Variants in MAML3 observed in about 807,000 individuals in gnomAD.
MAML3 encodes the protein mastermind like transcriptional coactivator 3.
Under a neutral mutation model 101.9 loss-of-function variants are expected in MAML3, and 27 were observed. The observed-to-expected ratio is 0.27, with a 90% CI of 0.20 to 0.37. MAML3 has a LOEUF of 0.37. MAML3 is among the 10% of genes least tolerant of loss of function. The pLI is 1.00. For synonymous variants in MAML3, 501 were observed against 555.9 expected, an observed-to-expected ratio of 0.90 and a Z score of 1.39; for missense variants, 1,316 against 1,444.9, an observed-to-expected ratio of 0.91 and a Z score of 1.45.
In MAML3 at chr4:139,997,160, T is replaced by C. The variant is rs1322082791; in HGVS notation, c.469-106193A>G. Among the ~76,000 whole-genome samples, 3 of 150,626 alleles carry C rather than the reference T, an allele frequency of 2.0e-5. No homozygotes were observed. In the Admixed American group the frequency reaches 2.0e-4, roughly 10 times the overall value. On this transcript the variant is annotated intron_variant, in intron 1 of 4. Coordinates refer to ENST00000509479, the MANE Select transcript of MAML3 (RefSeq NM_018717.5). ...TGTATATATATATACACACACATTA[T>C]ATATATACATAATTGATACAGTTGG...
intron 1 of MAML3, among the ~76,000 whole-genome samples, chr4:140,070,031 G>T (rs1727620345): frequency 6.6e-6 from 1 of 152,014 alleles, no homozygotes; most frequent in Non-Finnish European, 1.5e-5. Context: ...TAGGAGATTT[G>T]CTTGAACCCG....
chr4:140,039,841 C>CAATA (rs1727051068), intron 1 of MAML3, among the ~76,000 whole-genome samples: 1 of 152,176 alleles, frequency 6.6e-6, no homozygotes, highest in African/African-American at 2.4e-5. Context: ...CAAAGATACT[C>CAATA]TATTATCACC....
chr4:140,005,344 C>T (rs1726426752), intron 1 of MAML3, among the ~76,000 whole-genome samples: 1 of 152,158 alleles, frequency 6.6e-6, no homozygotes, highest in Non-Finnish European at 1.5e-5. Context: ...ATAATCAATT[C>T]AGAAGAACTG....
chr4:139,758,748 T>C (rs550956457), intron 2 of MAML3, among the ~76,000 whole-genome samples: 1 of 152,348 alleles, frequency 6.6e-6, no homozygotes, highest in Admixed American at 6.5e-5. Flanking sequence ...ATGACTAGCT[T>C]GTCTCTTCTC....
intron 1 of MAML3, among the ~76,000 whole-genome samples, chr4:139,971,814 T>TA (rs1051506095): frequency 1.3e-5 from 2 of 151,910 alleles, no homozygotes; most frequent in African/African-American, 2.4e-5. Context: ...GAAGACACCT[T>TA]AAAAAAAATC....
intron 1 of MAML3, among the ~76,000 whole-genome samples, chr4:140,007,269 T>A (rs191414750): frequency 6.6e-6 from 1 of 152,304 alleles, no homozygotes; most frequent in East Asian, 1.9e-4. Context: ...AAAGACCTCA[T>A]AGCGGCTAAA....
chr4:139,874,024 T>C (rs1297216851), intron 2 of MAML3, among the ~76,000 whole-genome samples: 1 of 152,248 alleles, frequency 6.6e-6, no homozygotes, highest in East Asian at 1.9e-4. Flanking sequence ...TTTCATTATT[T>C]TGGAATATGT....
intron 1 of MAML3, among the ~76,000 whole-genome samples, chr4:139,962,124 G>GT (rs398064093): frequency 0.025 from 3,610 of 144,164 alleles, 64 homozygotes; most frequent in Non-Finnish European, 0.033. Flanking sequence ...TCCTGTTTTT[G>GT]TTTTTTTTTT....
chr4:139,838,516 T>G (rs2111142192), intron 2 of MAML3, among the ~76,000 whole-genome samples: 1 of 152,228 alleles, frequency 6.6e-6, no homozygotes, highest in Middle Eastern at 3.4e-3. Flanking sequence ...AAGCAAGCCA[T>G]TTTTTCTTAG....
chr4:139,948,819 A>G (rs907539391), intron 1 of MAML3, among the ~76,000 whole-genome samples: 1 of 152,206 alleles, frequency 6.6e-6, no homozygotes, highest in Non-Finnish European at 1.5e-5. Flanking sequence ...GATCCCTGTA[A>G]GGTAGAAACT....
chr4:139,775,488 C>A (rs967646234), intron 2 of MAML3, among the ~76,000 whole-genome samples: 1 of 152,020 alleles, frequency 6.6e-6, no homozygotes, highest in Non-Finnish European at 1.5e-5. Flanking sequence ...GATTTGATTT[C>A]ACCAAAAGGT....
chr4:139,980,356 A>AT (rs2110808174), intron 1 of MAML3, among the ~76,000 whole-genome samples: 1 of 152,166 alleles, frequency 6.6e-6, no homozygotes, highest in South Asian at 2.1e-4. Context: ...TCCTTTGGCC[A>AT]TTACTGTGGC....
chr4:139,998,991 T>G (rs1227789057), intron 1 of MAML3, among the ~76,000 whole-genome samples: 1 of 152,152 alleles, frequency 6.6e-6, no homozygotes, highest in Non-Finnish European at 1.5e-5. Flanking sequence ...TATCTGCGGG[T>G]AGAGGTGCAC....
At chr4:140,140,209 A>C (rs2111052845) in intron 1 of MAML3, among the ~76,000 whole-genome samples, 1 of 152,288 alleles carries the variant, frequency 6.6e-6, no homozygotes, top group African/African-American at 2.4e-5. Flanking sequence ...CTGTAGTCCC[A>C]GCTACTCGGA....
chr4:139,884,467 T>C (rs1241160526), intron 2 of MAML3, among the ~76,000 whole-genome samples: 4 of 152,212 alleles, frequency 2.6e-5, no homozygotes, highest in African/African-American at 9.6e-5. Flanking sequence ...AGACTGCAAG[T>C]ATGAAAAATT....
rs531845164 is a variant in MAML3 at position 139,762,567 on chromosome 4, AATATTCAG to A, written c.2080-31908_2080-31901del. ...CCCCCAACCTACAGAGAGTTACAGA[AATATTCAG>A]CATCATAAACCAAAAAAGGATATTC... is the stretch of plus-strand genomic sequence containing the variant. On this transcript the variant is annotated intron_variant, in intron 2 of 4. Transcript: ENST00000509479. Among the ~76,000 whole-genome samples, 46 of 152,336 alleles carry A rather than the reference AATATTCAG, an allele frequency of 3.0e-4. No homozygotes were observed. The East Asian group carries it at 3.1e-3, about 10-fold the overall frequency.
intron 2 of MAML3, among the ~76,000 whole-genome samples, chr4:139,819,267 C>T (rs139412429): frequency 1.9e-3 from 292 of 152,208 alleles, no homozygotes; most frequent in African/African-American, 6.7e-3. Context: ...GAGGTTCTGG[C>T]TCCCTGAAGT....
intron 1 of MAML3, among the ~76,000 whole-genome samples, chr4:140,045,646 T>C (rs887886190): frequency 6.6e-6 from 1 of 152,184 alleles, no homozygotes; most frequent in Non-Finnish European, 1.5e-5. Flanking sequence ...TCAGCTACTA[T>C]ATAATGTTTT....
intron 1 of MAML3, among the ~76,000 whole-genome samples, chr4:139,967,988 G>GA (rs1734167864): frequency 6.8e-6 from 1 of 147,650 alleles, no homozygotes; most frequent in African/African-American, 2.5e-5. Context: ...AAAGAGAAAA[G>GA]AAAAGAAAAG....
Sources: allele counts gnomAD v4.1 joint callset (sites outside exome capture counted in the v4.1 genomes callset), GRCh38; gene constraint gnomAD v4.1.1; transcripts MANE v1.5; gene names NCBI Gene and HGNC (gene_info 2026-07-23, HGNC 2026-07-21).